FRYL: variants seen among roughly 807,000 people sequenced by gnomAD.
The protein encoded by FRYL is FRY like transcription coactivator.
FRYL carries 150 observed loss-of-function variants against 351.2 expected under a neutral mutation model. The observed-to-expected ratio is 0.43, with a 90% CI of 0.37 to 0.49. FRYL has a LOEUF of 0.49. Ranked by LOEUF, FRYL falls within the 20% of genes least tolerant of loss-of-function variation. The probability of loss-of-function intolerance (pLI) is 0.00; values close to 1 mark genes in which losing one functional copy is unlikely to be tolerated. For missense variants in FRYL, 3,036 were observed against 3,619.3 expected (o/e 0.84, Z 4.13); for synonymous variants, 1,153 against 1,257.1 (o/e 0.92, Z 1.75).
At chr4:48,753,145 C>T (rs760577263) in intron 1 of FRYL, among the ~76,000 whole-genome samples, 1 of 152,134 alleles carries the variant, frequency 6.6e-6, no homozygotes, top group Non-Finnish European at 1.5e-5. Context: ...AAGAGATCTT[C>T]TTTCTATTGG....
At chr4:48,747,775 T>A (rs1772834572) in intron 1 of FRYL, among the ~76,000 whole-genome samples, 2 of 152,176 alleles carry the variant, frequency 1.3e-5, no homozygotes, top group Admixed American at 1.3e-4. Context: ...AAAAATAGCA[T>A]ATGTATTGCT....
At position 48,681,149 on chromosome 4, in the gene FRYL, G is replaced by A. The variant is rs774773147; in HGVS notation, c.-81+3524C>T. 3.5e-6 allele frequency: 4 copies of A among 1,139,620 alleles called. No individual in the cohort carries two copies. In the South Asian group the frequency reaches 6.6e-5, roughly 19 times the overall value. 70.6% of individuals were successfully genotyped at this position (1,139,620 alleles called of 1,614,324 possible). ...ATTTTAAGGTTCTTCTACATTACTA[G>A]GCCCACAAGCACACAGAAAGGTGCC... On this transcript the variant is annotated intron_variant, in intron 3 of 63. Transcript: ENST00000358350.
intron 2 of FRYL, among the ~76,000 whole-genome samples, chr4:48,698,758 G>C (rs541952579): frequency 2.0e-5 from 3 of 152,014 alleles, no homozygotes; most frequent in Non-Finnish European, 4.4e-5. Context: ...TACACATCCT[G>C]TAACTCTGAA....
chr4:48,565,675 ACTT>A lies in FRYL; in HGVS notation c.3183_3185del (p.Arg1061del), dbSNP rs1406124013. On this transcript the variant is annotated inframe_deletion, in exon 29 of 64. Coordinates refer to ENST00000358350, the MANE Select transcript of FRYL (RefSeq NM_015030.2). The stretch of plus-strand genomic sequence containing the variant: ...GACGAAGGCTCTGTTGAGGAAAAAT[ACTT>A]CTTCTCTGGTGCACTGTGAATAAAA... The A allele has an allele frequency of 4.4e-6, 7 of 1,608,590 alleles. 1 individual carries two copies. The highest frequency in any genetic ancestry group is 5.1e-6 in the Non-Finnish European group (6 of 1,178,424).
intron 36 of FRYL, among the ~76,000 whole-genome samples, chr4:48,552,245 GT>G (rs1287122105): frequency 9.5e-3 from 75 of 7,904 alleles, no homozygotes; most frequent in African/African-American, 0.031. Flanking sequence ...GTCCAAAGGG[GT>G]GTGTGTGTGT....
intron 3 of FRYL, among the ~76,000 whole-genome samples, chr4:48,669,460 A>G (rs1324146181): frequency 6.6e-6 from 1 of 152,036 alleles, no homozygotes; most frequent in Non-Finnish European, 1.5e-5. Flanking sequence ...GACAAATGGT[A>G]ATATTTTAAC....
At chr4:48,604,900 A>C (rs906747603) in intron 11 of FRYL, among the ~76,000 whole-genome samples, 6 of 152,142 alleles carry the variant, frequency 3.9e-5, no homozygotes, top group African/African-American at 1.4e-4. Context: ...ACTAAAACCT[A>C]ATCTCAGCCA....
chr4:48,699,310 A>C (rs1343941312), intron 2 of FRYL, among the ~76,000 whole-genome samples: 1 of 152,208 alleles, frequency 6.6e-6, no homozygotes, highest in Non-Finnish European at 1.5e-5. Flanking sequence ...ACTAAACATA[A>C]TTAACACATC....
intron 2 of FRYL, among the ~76,000 whole-genome samples, chr4:48,709,828 A>G (rs889007642): frequency 2.0e-5 from 3 of 152,220 alleles, no homozygotes; most frequent in African/African-American, 7.2e-5. Context: ...TTTATCTAAT[A>G]CCACATTTTC....
chr4:48,595,800 C>T (rs186504441), intron 14 of FRYL, 97 bp downstream of exon 14: 1 of 1,094,814 alleles, frequency 9.1e-7, no homozygotes, highest in South Asian at 1.5e-5. Context: ...AATTCATATT[C>T]CACCCACAAA....
chr4:48,520,785 G>T, intron 55 of FRYL: 1 of 303,358 alleles, frequency 3.3e-6, no homozygotes, highest in Non-Finnish European at 6.0e-6. Flanking sequence ...CCAGAGAAGC[G>T]TCTGTACATT....
Position 48,578,878 on chromosome 4 carries a change from C to T in FRYL, c.2528+95G>A. ...GCAGTATCACATATTATTTATGGGC[C>T]TTCCAATCTGTAATACTTTTGAATT... On this transcript the variant is annotated intron_variant, in intron 23 of 63. Coordinates refer to ENST00000358350, the MANE Select transcript of FRYL (RefSeq NM_015030.2). The T allele has an allele frequency of 2.8e-6, 3 of 1,071,742 alleles. No individual in the cohort carries two copies. In the South Asian group the frequency reaches 4.8e-5, roughly 17 times the overall value. The allele number at this position is 1,071,742 out of a possible 1,614,324, so 66.4% of individuals were successfully genotyped here. A position where few individuals can be genotyped will look rare whatever the true frequency, so the allele number is the denominator to read the frequency against.
At chr4:48,594,459 T>C (rs1744193032) in intron 15 of FRYL, among the ~76,000 whole-genome samples, 1 of 152,068 alleles carries the variant, frequency 6.6e-6, no homozygotes, top group African/African-American at 2.4e-5. Context: ...GTTTTATAAT[T>C]CTGGTGGAGT....
intron 2 of FRYL, among the ~76,000 whole-genome samples, chr4:48,694,934 A>T (rs759652888): frequency 5.3e-5 from 8 of 152,112 alleles, no homozygotes; most frequent in Middle Eastern, 3.2e-3. Context: ...TCAGCTGGGC[A>T]TGGTGGCACT....
At chr4:48,561,370 G>C in intron 33 of FRYL, 98 bp downstream of exon 33, 1 of 759,950 alleles carries the variant, frequency 1.3e-6, no homozygotes, top group South Asian at 3.6e-5. Context: ...GTCTGGTTTT[G>C]ATTTAACCTG....
rs370594871 is a variant in FRYL at position 48,767,352 on chromosome 4, G to C, written c.-384+12726C>G. 1.9e-4 allele frequency among the ~76,000 whole-genome samples: 29 copies of C among 152,222 alleles called. No individual in the cohort carries two copies. In the East Asian group the frequency reaches 4.8e-3, roughly 25 times the overall value. On this transcript the variant is annotated intron_variant, in intron 1 of 63. Coordinates refer to ENST00000358350, the MANE Select transcript of FRYL (RefSeq NM_015030.2). ...AGAAGAGCAAGGGGGAAATCTGACC[G>C]AATGATCCAATCACCTCCCACCAAG...
At chr4:48,676,805 G>A (rs1433296257) in intron 3 of FRYL, among the ~76,000 whole-genome samples, 1 of 152,134 alleles carries the variant, frequency 6.6e-6, no homozygotes, top group African/African-American at 2.4e-5. Context: ...TTTTTCTCGG[G>A]AATTAATCTT....
rs1718810515 is a variant in FRYL at position 48,498,146 on chromosome 4, C to T, written c.*1276G>A. The T allele has an allele frequency of 6.7e-6, 1 of 150,276 alleles. No homozygotes were observed. The highest frequency in any genetic ancestry group is 1.5e-5 in the Non-Finnish European group (1 of 67,776). 9.3% of individuals were successfully genotyped at this position (150,276 alleles called of 1,614,324 possible). ...GATAGAGACTCCAGTTCATGTTATA[C>T]TACAGACTTAGACAGTGAATAAGTA... On this transcript the variant is annotated 3_prime_UTR_variant, in exon 64 of 64. Coordinates refer to ENST00000358350, the MANE Select transcript of FRYL (RefSeq NM_015030.2).
intron 41 of FRYL, among the ~76,000 whole-genome samples, chr4:48,547,315 T>C (rs1227298857): frequency 6.6e-6 from 1 of 152,206 alleles, no homozygotes; most frequent in Non-Finnish European, 1.5e-5. Flanking sequence ...TCGTCCTCAA[T>C]AAATTAAGCA....
Sources: allele counts gnomAD v4.1 joint callset (sites outside exome capture counted in the v4.1 genomes callset), GRCh38; gene constraint gnomAD v4.1.1; transcripts MANE v1.5; gene names NCBI Gene and HGNC (gene_info 2026-07-23, HGNC 2026-07-21).